The following HELZ variants were observed in gnomAD, a reference collection of about 807,000 sequenced individuals.
The protein encoded by HELZ is ATP-dependent RNA helicase with zinc finger domain.
In HELZ, 23 loss-of-function variants were observed where a neutral mutation model predicts 218.2. The observed-to-expected ratio is 0.11, with a 90% CI of 0.08 to 0.15. The LOEUF (loss-of-function observed/expected upper bound fraction) is 0.15. HELZ is among the 10% of genes least tolerant of loss of function. HELZ has a pLI of 1.00. For missense variants in HELZ, 1,813 were observed against 2,353.7 expected (o/e 0.77, Z 4.75); for synonymous variants, 814 against 829.4 (o/e 0.98, Z 0.32).
At chr17:67,135,069 T>C (rs2038106229) in intron 23 of HELZ, among the ~76,000 whole-genome samples, 1 of 152,152 alleles carries the variant, frequency 6.6e-6, no homozygotes. Flanking sequence ...TCCAATTAAC[T>C]GGTATAAGTC....
At chr17:67,243,427 T>C (rs940827148) in intron 2 of HELZ, among the ~76,000 whole-genome samples, 3 of 152,152 alleles carry the variant, frequency 2.0e-5, no homozygotes, top group African/African-American at 7.2e-5. Context: ...GTACAGTAGG[T>C]GATAGACACC....
At chr17:67,157,948 C>G (rs980834402) in intron 17 of HELZ, among the ~76,000 whole-genome samples, 1 of 152,146 alleles carries the variant, frequency 6.6e-6, no homozygotes, top group Admixed American at 6.5e-5. Flanking sequence ...GAACCACACA[C>G]AAAAATATTT....
At chr17:67,107,855 G>A (rs1263614841) in intron 30 of HELZ, among the ~76,000 whole-genome samples, 170 bp from the exon 31 acceptor site, 1 of 152,180 alleles carries the variant, frequency 6.6e-6, no homozygotes, top group African/African-American at 2.4e-5. Flanking sequence ...ATGCTGAGGT[G>A]AAGAAATTAA....
At chr17:67,184,618 GA>G (rs2039702211) in intron 12 of HELZ, among the ~76,000 whole-genome samples, 1 of 151,990 alleles carries the variant, frequency 6.6e-6, no homozygotes, top group African/African-American at 2.4e-5. Flanking sequence ...GAGCAACACA[GA>G]GAGACCTTGT....
Position 67,150,031 on chromosome 17 carries a change from C to T in HELZ, c.2357-46G>A, listed in dbSNP as rs944382763. The stretch of plus-strand genomic sequence containing the variant: ...ACAGGATAGCACGCTAGAGCAGCAA[C>T]AAAGGCAGAAGGACTATAGTTATTT... On this transcript the variant is annotated intron_variant, in intron 18 of 32. Coordinates refer to ENST00000358691, the MANE Select transcript of HELZ (RefSeq NM_014877.4). The T allele has an allele frequency of 2.7e-6, 3 of 1,121,708 alleles. No homozygotes were observed. In the South Asian group the frequency reaches 4.2e-5, roughly 16 times the overall value. 69.5% of individuals were successfully genotyped at this position (1,121,708 alleles called of 1,614,324 possible).
chr17:67,190,884 A>AT (rs758033915), intron 9 of HELZ, among the ~76,000 whole-genome samples: 1 of 151,894 alleles, frequency 6.6e-6, no homozygotes, highest in Non-Finnish European at 1.5e-5. Flanking sequence ...TAGTTTTTGT[A>AT]TTTTTAGTAG....
chr17:67,237,920 AGAGGTTACAGT>A (rs958547040), intron 3 of HELZ, among the ~76,000 whole-genome samples: 1 of 151,372 alleles, frequency 6.6e-6, no homozygotes, highest in Non-Finnish European at 1.5e-5. Context: ...CCCAAGAGGC[AGAGGTTACAGT>A]GAGCTGAGAT....
chr17:67,152,576 G>A (rs1249858380), intron 17 of HELZ, among the ~76,000 whole-genome samples: 5 of 152,008 alleles, frequency 3.3e-5, no homozygotes, highest in South Asian at 2.1e-4. Context: ...TAAAAAAGAG[G>A]AACGGATTTG....
chr17:67,087,633 T>C (rs2036433231), intron 31 of HELZ, among the ~76,000 whole-genome samples: 2 of 152,204 alleles, frequency 1.3e-5, no homozygotes, highest in African/African-American at 2.4e-5. Flanking sequence ...GTAAGTACTC[T>C]TGACTGGACT....
chr17:67,105,987 G>A (rs1049913609), intron 31 of HELZ, among the ~76,000 whole-genome samples: 9 of 152,194 alleles, frequency 5.9e-5, no homozygotes, highest in African/African-American at 2.2e-4. Flanking sequence ...CTTGTAAAAT[G>A]TGAATCAATT....
chr17:67,219,904 T>C (rs1343226167), intron 3 of HELZ, among the ~76,000 whole-genome samples: 2 of 152,166 alleles, frequency 1.3e-5, no homozygotes. Flanking sequence ...ATAACACTCA[T>C]GGCAGGGGTG....
intron 32 of HELZ, among the ~76,000 whole-genome samples, chr17:67,086,056 A>G (rs1353008281): frequency 6.6e-6 from 1 of 152,202 alleles, no homozygotes; most frequent in African/African-American, 2.4e-5. Flanking sequence ...ACTCTATTAT[A>G]TAGCAAATTG....
intron 21 of HELZ, among the ~76,000 whole-genome samples, chr17:67,142,741 G>T (rs956703913): frequency 1.0e-5 from 1 of 95,666 alleles, no homozygotes; most frequent in African/African-American, 5.4e-5. Flanking sequence ...AGATAAAGAG[G>T]GATATTTATT....
Position 67,073,087 on chromosome 17 carries a change from G to GT in HELZ, c.*5164dup, listed in dbSNP as rs2035934624. 1 of 152,222 alleles carries GT rather than the reference G, an allele frequency of 6.6e-6. No individual in the cohort carries two copies. Among genetic ancestry groups the GT allele is most frequent in the African/African-American group, 2.4e-5 (1 of 41,462 alleles). 9.4% of individuals were successfully genotyped at this position (152,222 alleles called of 1,614,324 possible). On this transcript the variant is annotated 3_prime_UTR_variant, in exon 33 of 33. Transcript: ENST00000358691. ...TCAAATCTTAAAACAGGACAGATCT[G>GT]TAAATAGTACTATGTGACTTCTACT...
chr17:67,167,419 GAGGCTAC>G, intron 14 of HELZ, 37 bp downstream of exon 14: 1 of 1,351,860 alleles, frequency 7.4e-7, no homozygotes, highest in African/African-American at 1.5e-5. Flanking sequence ...AGCTGATAAT[GAGGCTAC>G]AGACCACTAT....
intron 31 of HELZ, among the ~76,000 whole-genome samples, chr17:67,096,766 GATCACTCAAACTTTCTCCAC>G (rs1251657412): frequency 2.6e-5 from 4 of 152,192 alleles, no homozygotes; most frequent in African/African-American, 9.7e-5. Context: ...CTTCTAACCA[GATCACTCAAACTTTCTCCAC>G]ATCACTCAAA....
chr17:67,122,503 G>A (rs982937208), intron 26 of HELZ, among the ~76,000 whole-genome samples: 5 of 151,504 alleles, frequency 3.3e-5, no homozygotes, highest in Non-Finnish European at 5.9e-5. Flanking sequence ...CCAAGATCAC[G>A]CCACAGCACT....
At position 67,074,483 on chromosome 17, in the gene HELZ, A is replaced by T. The variant is rs977134105; in HGVS notation, c.*3769T>A. On this transcript the variant is annotated 3_prime_UTR_variant, in exon 33 of 33. Coordinates refer to ENST00000358691, the MANE Select transcript of HELZ (RefSeq NM_014877.4). ...GTTGAAATACTAAAATTTATCTTGA[A>T]ATTGTTCTTCACACCCTGACTCTTA... 6.6e-6 allele frequency: 1 copy of T among 152,162 alleles called. No individual in the cohort carries two copies. The highest frequency in any genetic ancestry group is 1.5e-5 in the Non-Finnish European group (1 of 68,002). The allele number at this position is 152,162 out of a possible 1,614,324, so 9.4% of individuals were successfully genotyped here.
chr17:67,147,243 CT>C (rs1048003699), intron 20 of HELZ, among the ~76,000 whole-genome samples: 2 of 152,048 alleles, frequency 1.3e-5, no homozygotes, highest in African/African-American at 2.4e-5. Flanking sequence ...AGAATTGCCC[CT>C]GTGGTGTTAT....
Sources: gnomAD v4.1 joint callset for allele counts (sites outside exome capture counted in the v4.1 genomes callset) on GRCh38, gnomAD v4.1.1 for gene constraint, MANE v1.5 for transcripts, NCBI Gene and HGNC (gene_info 2026-07-23, HGNC 2026-07-21) for gene names.